The following GATAD2A variants were observed in gnomAD, a reference collection of about 807,000 sequenced individuals.
The protein encoded by GATAD2A is GATA zinc finger domain containing 2A.
In GATAD2A, 12 loss-of-function variants were observed where a neutral mutation model predicts 68.5. The observed-to-expected ratio is 0.18, with a 90% CI of 0.11 to 0.28. The LOEUF is 0.28. Among genes scored for constraint, GATAD2A ranks in the 10% least tolerant of loss-of-function variants. GATAD2A has a pLI of 1.00. For missense variants in GATAD2A, 755 were observed against 868.5 expected (o/e 0.87, Z 1.64); for synonymous variants, 410 against 375.3 (o/e 1.09, Z -1.07).
rs2048410578 is a variant in GATAD2A at position 19,386,299 on chromosome 19, G to C, written c.-7+161G>C. Among the ~76,000 whole-genome samples, 5 of 151,952 alleles carry C rather than the reference G, an allele frequency of 3.3e-5. No individual in the cohort carries two copies. In the South Asian group the frequency reaches 1.0e-3, roughly 32 times the overall value. The stretch of plus-strand genomic sequence containing the variant: ...TGCTCTGGGCCCCCCCGCCTCTCCA[G>C]GGGACCCCCGCCTCTCTAGGAGACC... On this transcript the variant is annotated intron_variant, in intron 1 of 11. Transcript: ENST00000360315.
At chr19:19,492,123 A>G (rs551454838) in intron 2 of GATAD2A, among the ~76,000 whole-genome samples, 183 bp from the exon 3 acceptor site, 29 of 152,278 alleles carry the variant, frequency 1.9e-4, no homozygotes, top group Non-Finnish European at 4.0e-4. Context: ...TGGGTGCCCT[A>G]TGACGTGTGG....
At chr19:19,396,314 G>GA (rs893388252) in intron 1 of GATAD2A, among the ~76,000 whole-genome samples, 53 of 151,068 alleles carry the variant, frequency 3.5e-4, no homozygotes, top group African/African-American at 1.2e-3. Context: ...AACTCCGTCT[G>GA]AAAAAAAAAT....
rs537372486 is a variant in GATAD2A at position 19,411,012 on chromosome 19, A to G, written c.-7+4993A>G. On this transcript the variant is annotated intron_variant, in intron 1 of 11. Transcript: ENST00000683918. ...GATGAGCCAGAGTTCACAAGCATTA[A>G]CAACTGCCCCACCTCTTCTGTGGGG... Among the ~76,000 whole-genome samples the G allele has an allele frequency of 2.1e-3, 324 of 152,330 alleles. 1 individual carries two copies. Among genetic ancestry groups the G allele is most frequent in the African/African-American group, 7.0e-3 (292 of 41,574 alleles).
At chr19:19,426,752 G>A (rs866398718) in intron 1 of GATAD2A, among the ~76,000 whole-genome samples, 26 of 152,064 alleles carry the variant, frequency 1.7e-4, no homozygotes, top group South Asian at 2.1e-4. Flanking sequence ...GGCCGCAAGC[G>A]ATCCACCCGC....
In GATAD2A at chr19:19,506,069, C is replaced by G; in HGVS notation, c.*595C>G. 1 of 399,064 alleles carries G rather than the reference C, an allele frequency of 2.5e-6. No homozygotes were observed. The allele number at this position is 399,064 out of a possible 1,614,324, so 24.7% of individuals were successfully genotyped here. A position where few individuals can be genotyped will look rare whatever the true frequency, so the allele number is the denominator to read the frequency against. ...TGTACGCTGCATCATCCCGCTGGCC[C>G]TGTGCCCTGGAGGGTGGGCGGCTCA... is the stretch of plus-strand genomic sequence containing the variant. On this transcript the variant is annotated 3_prime_UTR_variant, in exon 12 of 12. Coordinates refer to ENST00000683918, the MANE Select transcript of GATAD2A (RefSeq NM_001384528.1).
chr19:19,455,318 C>T (rs536853949), intron 1 of GATAD2A, among the ~76,000 whole-genome samples: 1 of 151,988 alleles, frequency 6.6e-6, no homozygotes, highest in Admixed American at 6.6e-5. Context: ...AGTGAAACCC[C>T]GTCTCTACTA....
Position 19,506,251 on chromosome 19 carries a change from C to T in GATAD2A, c.*777C>T, listed in dbSNP as rs1311597148. On this transcript the variant is annotated 3_prime_UTR_variant, in exon 12 of 12. Coordinates refer to ENST00000683918, the MANE Select transcript of GATAD2A (RefSeq NM_001384528.1). ...GCACCTTCCAGACTTAGCAGAAGAACAAACTGAAGAACAGACCCAGCCAGA... is the reference window on the plus strand; with the variant it reads ...GCACCTTCCAGACTTAGCAGAAGAATAAACTGAAGAACAGACCCAGCCAGA... 7.5e-6 allele frequency: 3 copies of T among 398,290 alleles called. No homozygotes were observed. Among genetic ancestry groups the T allele is most frequent in the East Asian group, 3.6e-5 (1 of 28,072 alleles). The allele number at this position is 398,290 out of a possible 1,614,324, so 24.7% of individuals were successfully genotyped here.
intron 2 of GATAD2A, among the ~76,000 whole-genome samples, chr19:19,482,153 C>T (rs1422980739): frequency 1.3e-5 from 2 of 152,148 alleles, no homozygotes; most frequent in African/African-American, 4.8e-5. Flanking sequence ...GCCTGTATCT[C>T]AGCACTTTGG....
chr19:19,413,483 C>G (rs2051208170), intron 1 of GATAD2A, among the ~76,000 whole-genome samples: 2 of 152,296 alleles, frequency 1.3e-5, no homozygotes, highest in African/African-American at 4.8e-5. Context: ...CCACCCCGTT[C>G]AGTGGTGGTT....
At chr19:19,491,532 G>A (rs2059789864) in intron 2 of GATAD2A, among the ~76,000 whole-genome samples, 1 of 152,196 alleles carries the variant, frequency 6.6e-6, no homozygotes, top group Admixed American at 6.5e-5. Flanking sequence ...AATGACCTTG[G>A]CATCCACGTG....
intron 5 of GATAD2A, among the ~76,000 whole-genome samples, chr19:19,495,273 C>T (rs573352924): frequency 2.7e-5 from 4 of 150,906 alleles, no homozygotes; most frequent in South Asian, 2.1e-4. Flanking sequence ...GAATTACAGG[C>T]GTGAGCCACC....
At chr19:19,408,212 C>T (rs964443076) in intron 1 of GATAD2A, among the ~76,000 whole-genome samples, 1 of 152,168 alleles carries the variant, frequency 6.6e-6, no homozygotes, top group African/African-American at 2.4e-5. Context: ...GTCTCGAACT[C>T]CTGACCTCGT....
intron 2 of GATAD2A, among the ~76,000 whole-genome samples, chr19:19,480,634 C>CT (rs756225697): frequency 2.6e-5 from 4 of 152,228 alleles, no homozygotes; most frequent in Admixed American, 6.5e-5. Context: ...CATTTCATGA[C>CT]TGCCCCCCGA....
intron 1 of GATAD2A, among the ~76,000 whole-genome samples, chr19:19,425,934 T>C (rs1179806689): frequency 6.6e-6 from 1 of 151,978 alleles, no homozygotes; most frequent in African/African-American, 2.4e-5. Context: ...GGACTACAGG[T>C]GCTCCGCCAC....
chr19:19,492,544 A>G, intron 3 of GATAD2A, 37 bp from the exon 4 acceptor site: 8 of 1,612,974 alleles, frequency 5.0e-6, no homozygotes, highest in Non-Finnish European at 6.8e-6. Flanking sequence ...CTCACCAAGG[A>G]CGCTCCCTCT....
intron 1 of GATAD2A, among the ~76,000 whole-genome samples, chr19:19,458,215 G>A (rs993472901): frequency 6.6e-6 from 1 of 152,194 alleles, no homozygotes; most frequent in African/African-American, 2.4e-5. Context: ...GACTCACCAC[G>A]GCTTTCCCTT....
At chr19:19,388,945 C>CA (rs1469610240) in intron 1 of GATAD2A, among the ~76,000 whole-genome samples, 2 of 152,062 alleles carry the variant, frequency 1.3e-5, no homozygotes, top group Non-Finnish European at 2.9e-5. Flanking sequence ...GGAAATGGAT[C>CA]ACCTTAGATC....
At chr19:19,463,587 G>A (rs73922888) in intron 1 of GATAD2A, among the ~76,000 whole-genome samples, 11,513 of 152,212 alleles carry the variant, frequency 0.076, 1,495 homozygotes, top group African/African-American at 0.26. Context: ...GGTGCAGGCT[G>A]GGATGCCAGA....
chr19:19,467,582 A>G (rs572503070), intron 2 of GATAD2A, among the ~76,000 whole-genome samples: 52 of 152,272 alleles, frequency 3.4e-4, no homozygotes, highest in African/African-American at 1.2e-3. Context: ...TGTGCATACC[A>G]GTAGTTAATC....
Sources: allele counts gnomAD v4.1 joint callset (sites outside exome capture counted in the v4.1 genomes callset), GRCh38; gene constraint gnomAD v4.1.1; transcripts MANE v1.5; gene names NCBI Gene and HGNC (gene_info 2026-07-23, HGNC 2026-07-21).